Variants in ANK2 observed in about 807,000 individuals in gnomAD.
ANK2 encodes ankyrin 2.
In ANK2, 83 loss-of-function variants were observed where a neutral mutation model predicts 360.5. The ratio of observed to expected loss-of-function variants is 0.23; its 90% confidence interval spans 0.19 to 0.28. The LOEUF (loss-of-function observed/expected upper bound fraction) is 0.28, where lower values mean the gene tolerates loss of function less well. Ranked by LOEUF, ANK2 falls within the 10% of genes least tolerant of loss-of-function variation. ANK2 has a pLI of 1.00. For synonymous variants in ANK2, 1,740 were observed against 1,759.5 expected, an observed-to-expected ratio of 0.99 and a Z score of 0.28; for missense variants, 4,201 against 4,795.7, an observed-to-expected ratio of 0.88 and a Z score of 3.66.
chr4:112,912,303 T>C (rs1175768762), intron 2 of ANK2, among the ~76,000 whole-genome samples: 1 of 152,196 alleles, frequency 6.6e-6, no homozygotes, highest in Non-Finnish European at 1.5e-5. Context: ...GAACCGGTTA[T>C]GTGAGCCAGT....
intron 32 of ANK2, among the ~76,000 whole-genome samples, chr4:113,340,645 C>T (rs1424150788): frequency 1.3e-5 from 2 of 152,058 alleles, no homozygotes; most frequent in African/African-American, 2.4e-5. Flanking sequence ...TGCAGTGAGC[C>T]GTGATTGCGT....
intron 19 of ANK2, among the ~76,000 whole-genome samples, chr4:113,288,161 T>A (rs1341704821): frequency 1.3e-5 from 2 of 152,162 alleles, no homozygotes; most frequent in Non-Finnish European, 2.9e-5. Flanking sequence ...TATTTATGCC[T>A]CTCTCTTAGT....
rs1470709043 is a variant in ANK2 at position 113,264,969 on chromosome 4, G to T, written c.1459G>T (p.Gly487Cys). 1.3e-6 allele frequency: 2 copies of T among 1,565,670 alleles called. No homozygotes were observed. The highest frequency in any genetic ancestry group is 2.7e-5 in the African/African-American group (2 of 74,010). The change falls in exon 14 of 46, where the codon GGT becomes TGT. Residue 487 changes from glycine to cysteine, a missense_variant. Gly to Cys is a radical substitution (Grantham distance 159, BLOSUM62 -3). Around this residue, in one of 4 missense-constraint regions of ANK2, gnomAD observed 1,268 missense variants for 1,650.8 expected, o/e 0.77. Coordinates refer to ENST00000357077, the MANE Select transcript of ANK2 (RefSeq NM_001148.6). The stretch of plus-strand genomic sequence containing the variant: ...AGTGGTCCGATGCCTCCTGAGAAAT[G>T]GTGCCCTTGTTGATGCCAGAGCCAG... The part of the protein sequence containing the change: ...VEVVRCLLRN[G>C]ALVDARAREE...
chr4:112,945,314 G>A (rs78945322), intron 2 of ANK2, among the ~76,000 whole-genome samples: 2,778 of 152,310 alleles, frequency 0.018, 66 homozygotes, highest in African/African-American at 0.054. Flanking sequence ...TGCCCAGAAG[G>A]AGGAGAACCA....
chr4:112,825,148 C>T (rs2149577121), intron 1 of ANK2, among the ~76,000 whole-genome samples: 1 of 152,094 alleles, frequency 6.6e-6, no homozygotes, highest in South Asian at 2.1e-4. Flanking sequence ...ATGAGAACAC[C>T]TGGACACAGG....
chr4:113,233,104 CTGTTTTTTTTTT>C lies in ANK2; in HGVS notation c.483+847_483+858del, dbSNP rs2099331053. Reference sequence around the variant, plus strand: ...ACCAGAGTATATGGGCTTGGCTTTTCTGTTTTTTTTTTTTTTTTTTTTTTTTTTTTTTTTTTT... The same window carrying C: ...ACCAGAGTATATGGGCTTGGCTTTTCTTTTTTTTTTTTTTTTTTTTTTTTT... On this transcript the variant is annotated intron_variant, in intron 5 of 45. Transcript: ENST00000357077. Among the ~76,000 whole-genome samples the C allele has an allele frequency of 1.7e-4, 5 of 29,304 alleles. 1 individual carries two copies. In the East Asian group the frequency reaches 3.4e-3, roughly 20 times the overall value. 19.2% of individuals were successfully genotyped at this position (29,304 alleles called of 152,430 possible).
intron 1 of ANK2, chr4:112,827,043 G>A: frequency 7.5e-7 from 1 of 1,330,562 alleles, no homozygotes. Flanking sequence ...TGACATTACA[G>A]AACTTAACTG....
chr4:113,277,866 C>T lies in ANK2; in HGVS notation c.1713C>T (p.Ala571=), dbSNP rs765803691. The T allele has an allele frequency of 1.2e-6, 2 of 1,613,990 alleles. No homozygotes were observed. The highest frequency in any genetic ancestry group is 2.2e-5 in the South Asian group (2 of 91,058). The change falls in exon 16 of 46, where the codon GCC becomes GCT. Residue 571 remains alanine, a synonymous_variant. Transcript: ENST00000357077. ...KKGFTPLHVA[A]KYGSLDVAKL... is the part of the protein sequence containing the mutation. ...GTTTTACTCCCCTGCATGTAGCAGC[C>T]AAGTATGGAAGCCTGGATGTGGCAA...
intron 1 of ANK2, among the ~76,000 whole-genome samples, chr4:113,138,434 G>A (rs1018612511): frequency 6.6e-6 from 1 of 152,156 alleles, no homozygotes; most frequent in African/African-American, 2.4e-5. Context: ...AAGAAAATCA[G>A]TTATCCTCAT....
chr4:112,797,045 C>T, the ANK2 span: 1 of 196,756 alleles, frequency 5.1e-6, no homozygotes, highest in Non-Finnish European at 1.1e-5. Flanking sequence ...TGTAATTCTT[C>T]ACTTGTCATC....
the ANK2 span, among the ~76,000 whole-genome samples, chr4:112,779,498 G>T: frequency 1.3e-5 from 2 of 151,968 alleles, no homozygotes; most frequent in South Asian, 4.2e-4. Flanking sequence ...CAGCCTGGGC[G>T]ACAGAGCGGG....
At chr4:112,724,914 G>A in the ANK2 span, among the ~76,000 whole-genome samples, 15 of 152,262 alleles carry the variant, frequency 9.9e-5, no homozygotes, top group South Asian at 3.1e-3. Context: ...GTAGAAGCAA[G>A]CCAAATGTCA....
At chr4:113,044,856 T>C (rs2063873172), upstream of ANK2, among the ~76,000 whole-genome samples, 1 of 152,114 alleles carries the variant, frequency 6.6e-6, no homozygotes, top group South Asian at 2.1e-4. Context: ...ACATATCTTT[T>C]AGGGGGACAC....
At chr4:113,037,090 T>A (rs984184584) in intron 2 of ANK2, among the ~76,000 whole-genome samples, 32 of 151,820 alleles carry the variant, frequency 2.1e-4, no homozygotes, top group Non-Finnish European at 2.9e-5. Flanking sequence ...GACCTGGGAG[T>A]CTCATATCTT....
chr4:112,738,117 A>G, the ANK2 span, among the ~76,000 whole-genome samples: 2 of 152,220 alleles, frequency 1.3e-5, no homozygotes, highest in African/African-American at 4.8e-5. Context: ...ACACAATTGA[A>G]TAAGACATGA....
intron 1 of ANK2, among the ~76,000 whole-genome samples, chr4:112,853,809 C>T: frequency 6.6e-6 from 1 of 152,100 alleles, no homozygotes; most frequent in Non-Finnish European, 1.5e-5. Flanking sequence ...TTTCTTAATT[C>T]ACAAGGTTTG....
At position 113,041,012 on chromosome 4, in the gene ANK2, A is replaced by G. The variant is rs945019441; in HGVS notation, c.22-133404A>G. On this transcript the variant is annotated intron_variant, in intron 2 of 30. Coordinates refer to the ANK2 transcript ENST00000503271. ...TCACTTCCTCCTAGGACTTGTGAAT[A>G]TAACATTTTTGGTGGTGACAGACTA... Among the ~76,000 whole-genome samples the G allele has an allele frequency of 5.9e-5, 9 of 152,036 alleles. No homozygotes were observed. In the East Asian group the frequency reaches 1.5e-3, roughly 26 times the overall value.
At chr4:113,056,540 C>T (rs1329735834) in intron 1 of ANK2, among the ~76,000 whole-genome samples, 9 of 152,094 alleles carry the variant, frequency 5.9e-5, no homozygotes, top group Admixed American at 5.9e-4. Context: ...CTATTTTTAT[C>T]TCATTGGACA....
At chr4:113,117,165 G>A (rs2154369197) in intron 1 of ANK2, 2 of 390,386 alleles carry the variant, frequency 5.1e-6, no homozygotes, top group South Asian at 3.9e-5. Flanking sequence ...TCTTGTGAGT[G>A]TTCTGGCTGC....
Sources: allele counts gnomAD v4.1 joint callset (sites outside exome capture counted in the v4.1 genomes callset), GRCh38; gene constraint gnomAD v4.1.1; regional missense constraint gnomAD v4.1.1; transcripts MANE v1.5; gene names NCBI Gene and HGNC (gene_info 2026-07-23, HGNC 2026-07-21).